Variants in EPB41 observed in about 807,000 individuals in gnomAD.
EPB41 encodes protein 4.1.
Under a neutral mutation model 108.0 loss-of-function variants are expected in EPB41, and 65 were observed. The ratio of observed to expected loss-of-function variants is 0.60; its 90% CI spans 0.49 to 0.74. The LOEUF (loss-of-function observed/expected upper bound fraction) is 0.74. Among genes scored for constraint, EPB41 ranks in the 30% least tolerant of loss-of-function variants. EPB41 has a pLI of 0.00. For synonymous variants in EPB41, 336 were observed against 358.9 expected (o/e 0.94, Z 0.72); for missense variants, 875 against 1,037.0 (o/e 0.84, Z 2.15).
intron 1 of EPB41, chr1:28,982,670 A>G: frequency 2.6e-6 from 2 of 762,716 alleles, no homozygotes; most frequent in Non-Finnish European, 4.6e-6. Flanking sequence ...GATTGATCTT[A>G]AGACTTAGGT....
At chr1:28,925,351 G>A (rs1489077547) in intron 1 of EPB41, among the ~76,000 whole-genome samples, 3 of 152,070 alleles carry the variant, frequency 2.0e-5, no homozygotes, top group East Asian at 3.9e-4. Flanking sequence ...GGCTCAAGTA[G>A]TCTCTTGCCT....
intron 16 of EPB41, among the ~76,000 whole-genome samples, chr1:29,076,326 C>G (rs186493513): frequency 5.9e-5 from 9 of 152,314 alleles, no homozygotes; most frequent in Admixed American, 3.9e-4. Context: ...TTGACATTCT[C>G]TCTCCAAAAA....
At chr1:29,002,676 A>C (rs1557984528) in intron 4 of EPB41, among the ~76,000 whole-genome samples, 1 of 152,152 alleles carries the variant, frequency 6.6e-6, no homozygotes. Context: ...TATTTTAGCT[A>C]TTGGAAAAAG....
chr1:29,101,232 GAAAA>G (rs1053043616), intron 17 of EPB41, among the ~76,000 whole-genome samples: 4 of 148,858 alleles, frequency 2.7e-5, no homozygotes, highest in African/African-American at 9.8e-5. Context: ...CTCAAAAAAA[GAAAA>G]AAAAAGAGAA....
intron 7 of EPB41, among the ~76,000 whole-genome samples, chr1:29,023,178 A>G (rs2096669047): frequency 1.3e-5 from 2 of 151,672 alleles, no homozygotes; most frequent in African/African-American, 4.9e-5. Context: ...TATTTTTAGC[A>G]GAGACAGGGT....
chr1:28,907,160 G>A (rs1370969022), intron 1 of EPB41, among the ~76,000 whole-genome samples: 1 of 151,854 alleles, frequency 6.6e-6, no homozygotes, highest in Admixed American at 6.6e-5. Flanking sequence ...CGCCTCCTGG[G>A]TTCAAGCGAT....
At chr1:29,010,993 C>T (rs535112982) in intron 4 of EPB41, among the ~76,000 whole-genome samples, 71 of 152,036 alleles carry the variant, frequency 4.7e-4, no homozygotes, top group South Asian at 8.3e-4. Flanking sequence ...TGGCATGCAC[C>T]TGTAATCCCA....
rs1558080567 is a variant in EPB41, at chr1:29,030,501, T to G, written c.1212+14T>G. 1 of 1,595,188 alleles carries G rather than the reference T, an allele frequency of 6.3e-7. No homozygotes were observed. Among genetic ancestry groups the G allele is most frequent in the Non-Finnish European group, 8.6e-7 (1 of 1,162,784 alleles). On this transcript the variant is annotated intron_variant, in intron 8 of 20. Coordinates refer to ENST00000343067, the MANE Select transcript of EPB41 (RefSeq NM_001376013.1). ...CATAAAGCAAAGGTAATGATAACTTTGCCCTTTATTAATATGCATGTGGAA... is the reference window on the plus strand; with the variant it reads ...CATAAAGCAAAGGTAATGATAACTTGGCCCTTTATTAATATGCATGTGGAA...
intron 16 of EPB41, chr1:29,068,780 A>G (rs1021707260): frequency 3.3e-5 from 41 of 1,232,198 alleles, no homozygotes; most frequent in Admixed American, 1.3e-4. Context: ...TTGGTGGGCC[A>G]GAGGTAAAGC....
rs555322846 is a variant in EPB41 at position 28,956,352 on chromosome 1, G to T, written c.-7-31079G>T. ...ACAAAGGCAAGAGAGAGAGAGAACTGGGCTTTGCTGTTTTACACCTCCAGC... is the reference window on the plus strand; with the variant it reads ...ACAAAGGCAAGAGAGAGAGAGAACTTGGCTTTGCTGTTTTACACCTCCAGC... On this transcript the variant is annotated intron_variant, in intron 1 of 20. Coordinates refer to ENST00000343067, the MANE Select transcript of EPB41 (RefSeq NM_001376013.1). 4.4e-4 allele frequency among the ~76,000 whole-genome samples: 67 copies of T among 152,350 alleles called. 1 individual carries two copies. The highest frequency in any genetic ancestry group is 2.6e-4 in the Non-Finnish European group (18 of 68,034).
intron 1 of EPB41, among the ~76,000 whole-genome samples, chr1:28,907,539 T>C (rs1368252821): frequency 1.3e-5 from 2 of 152,074 alleles, no homozygotes; most frequent in Admixed American, 1.3e-4. Context: ...GGGAAGAAGA[T>C]TGAAATTGTA....
chr1:29,030,430 G>GT lies in EPB41; in HGVS notation c.1158dup (p.Leu387SerfsTer2). The GT allele has an allele frequency of 6.2e-7, 1 of 1,614,090 alleles. No individual in the cohort carries two copies. The highest frequency in any genetic ancestry group is 8.5e-7 in the Non-Finnish European group (1 of 1,179,978). On this transcript the variant is annotated frameshift_variant, in exon 8 of 21. Coordinates refer to ENST00000343067, the MANE Select transcript of EPB41 (RefSeq NM_001376013.1). LOFTEE classifies it high-confidence loss of function. ...TGACTCCAGCTCAGGCTGACTTGGA[G>GT]TTTCTTGAGAATGCCAAAAAGTTGT... is the stretch of plus-strand genomic sequence containing the variant.
intron 1 of EPB41, among the ~76,000 whole-genome samples, chr1:28,926,032 A>G (rs2093425574): frequency 7.2e-6 from 1 of 139,780 alleles, no homozygotes; most frequent in Admixed American, 7.2e-5. Context: ...TGGGCAACAT[A>G]GAGAGACCCT....
At chr1:28,977,799 C>A (rs572798108) in intron 1 of EPB41, among the ~76,000 whole-genome samples, 14 of 152,152 alleles carry the variant, frequency 9.2e-5, no homozygotes, top group African/African-American at 3.4e-4. Flanking sequence ...AAGAACATGA[C>A]TGCATGGCAT....
At chr1:28,942,366 A>G (rs1400122053) in intron 1 of EPB41, among the ~76,000 whole-genome samples, 2 of 152,238 alleles carry the variant, frequency 1.3e-5, no homozygotes, top group East Asian at 3.8e-4. Context: ...CTTCTGACCA[A>G]CTGGCTCCAA....
chr1:29,006,234 ATTTTTTTTT>A (rs34223507), intron 4 of EPB41, among the ~76,000 whole-genome samples: 1 of 130,662 alleles, frequency 7.7e-6, no homozygotes, highest in Non-Finnish European at 1.6e-5. Context: ...ATCCCAAAGA[ATTTTTTTTT>A]TTTTTTTTTT....
chr1:28,916,433 C>T (rs553858169), intron 1 of EPB41, among the ~76,000 whole-genome samples: 107 of 152,208 alleles, frequency 7.0e-4, no homozygotes, highest in African/African-American at 2.4e-3. Context: ...GTCAGGAGTT[C>T]GAGACTAGCC....
chr1:28,998,268 T>C (rs1281268734), intron 4 of EPB41, among the ~76,000 whole-genome samples: 1 of 152,126 alleles, frequency 6.6e-6, no homozygotes, highest in African/African-American at 2.4e-5. Context: ...GTGTAAGACC[T>C]GGAGTTGAGA....
chr1:28,981,068 T>C (rs2095734050), intron 1 of EPB41, among the ~76,000 whole-genome samples: 2 of 152,202 alleles, frequency 1.3e-5, no homozygotes, highest in Admixed American at 6.5e-5. Flanking sequence ...CCACCGTGCC[T>C]GTCCTCCAGG....
Sources: allele counts gnomAD v4.1 joint callset (sites outside exome capture counted in the v4.1 genomes callset), GRCh38; gene constraint gnomAD v4.1.1; transcripts MANE v1.5; gene names NCBI Gene and HGNC (gene_info 2026-07-23, HGNC 2026-07-21).